Variants in TAFA5 observed in about 807,000 individuals in gnomAD.
The protein encoded by TAFA5 is TAFA chemokine like family member 5.
Under a neutral mutation model 15.3 loss-of-function variants are expected in TAFA5, and 6 were observed. The observed-to-expected ratio is 0.39, with a 90% CI of 0.21 to 0.77. The LOEUF (loss-of-function observed/expected upper bound fraction) is 0.77. Ranked by LOEUF, TAFA5 falls within the 30% of genes least tolerant of loss-of-function variation. The pLI is 0.41. For synonymous variants in TAFA5, 103 were observed against 80.7 expected, an observed-to-expected ratio of 1.28 and a Z score of -1.48; for missense variants, 161 against 193.1, an observed-to-expected ratio of 0.83 and a Z score of 0.98.
At chr22:48,748,180 G>A (rs933092600) in intron 3 of TAFA5, among the ~76,000 whole-genome samples, 2 of 152,234 alleles carry the variant, frequency 1.3e-5, no homozygotes, top group African/African-American at 4.8e-5. Flanking sequence ...CAGGCAGCTA[G>A]GGACCACACC....
In TAFA5 at chr22:48,544,195, A is replaced by G. The variant is rs150083881; in HGVS notation, c.112+54491A>G. ...CTTCCCTTCAGGTCCCATGGTTTACATACCATCTCCATGACCCTAACTTCA... is the reference window on the plus strand; with the variant it reads ...CTTCCCTTCAGGTCCCATGGTTTACGTACCATCTCCATGACCCTAACTTCA... On this transcript the variant is annotated intron_variant, in intron 1 of 3. Coordinates refer to ENST00000402357, the MANE Select transcript of TAFA5 (RefSeq NM_001082967.3). 389 of 174,644 alleles carry G rather than the reference A, an allele frequency of 2.2e-3. 1 individual carries two copies. The highest frequency in any genetic ancestry group is 8.6e-3 in the African/African-American group (369 of 42,742). 10.8% of individuals were successfully genotyped at this position (174,644 alleles called of 1,614,324 possible).
intron 3 of TAFA5, among the ~76,000 whole-genome samples, chr22:48,730,245 A>G (rs929729339): frequency 6.6e-6 from 1 of 152,128 alleles, no homozygotes; most frequent in African/African-American, 2.4e-5. Context: ...TTAGCTGGGC[A>G]TGGTGGCACG....
In TAFA5 at chr22:48,534,903, G is replaced by A. The variant is rs564935911; in HGVS notation, c.112+45199G>A. Among the ~76,000 whole-genome samples, 5 of 152,294 alleles carry A rather than the reference G, an allele frequency of 3.3e-5. No individual in the cohort carries two copies. The South Asian group carries it at 6.2e-4, about 19-fold the overall frequency. ...GTCGGTGCCCATTGTTTGTCTTGGG[G>A]GTCCTGGAGGCTGAGCTGCAGCCTC... On this transcript the variant is annotated intron_variant, in intron 1 of 3. Transcript: ENST00000402357.
chr22:48,704,668 T>A (rs1328033797), intron 2 of TAFA5, among the ~76,000 whole-genome samples: 1 of 151,824 alleles, frequency 6.6e-6, no homozygotes, highest in Non-Finnish European at 1.5e-5. Context: ...GGAGCACAGT[T>A]GCTTTTTCTC....
At chr22:48,592,202 C>T (rs1253463250) in intron 1 of TAFA5, among the ~76,000 whole-genome samples, 1 of 152,182 alleles carries the variant, frequency 6.6e-6, no homozygotes, top group African/African-American at 2.4e-5. Context: ...GTGCCCAGGG[C>T]ACTGTGCCAG....
At chr22:48,703,925 GCA>G (rs1928996483) in intron 2 of TAFA5, among the ~76,000 whole-genome samples, 1 of 152,244 alleles carries the variant, frequency 6.6e-6, no homozygotes, top group African/African-American at 2.4e-5. Flanking sequence ...TCTCCCTGTT[GCA>G]GTTGAAGGGC....
chr22:48,660,741 G>A (rs2147213817), intron 2 of TAFA5, among the ~76,000 whole-genome samples: 1 of 152,322 alleles, frequency 6.6e-6, no homozygotes, highest in South Asian at 2.1e-4. Flanking sequence ...CAACGACACA[G>A]CGCGTGGCCC....
intron 1 of TAFA5, among the ~76,000 whole-genome samples, chr22:48,501,892 G>A (rs6007872): frequency 0.2 from 31,075 of 152,168 alleles, 4,447 homozygotes; most frequent in African/African-American, 0.41. Flanking sequence ...TTCTGAAACA[G>A]CAGGCAGAAT....
In TAFA5 at chr22:48,662,379, T is replaced by C. The variant is rs889789624; in HGVS notation, c.262+15633T>C. 2.6e-5 allele frequency among the ~76,000 whole-genome samples: 4 copies of C among 152,270 alleles called. No individual in the cohort carries two copies. The South Asian group carries it at 6.2e-4, about 24-fold the overall frequency. On this transcript the variant is annotated intron_variant, in intron 2 of 3. Transcript: ENST00000402357. ...TCTGATGGCCTTCTACAAAAATCTC[T>C]CTGCTGCTCTCTGGACCATAAGTTC... is the stretch of plus-strand genomic sequence containing the variant.
chr22:48,527,311 T>A (rs133486), intron 1 of TAFA5, among the ~76,000 whole-genome samples: 2 of 152,278 alleles, frequency 1.3e-5, no homozygotes, highest in South Asian at 2.1e-4. Flanking sequence ...CTCTGAGATC[T>A]GCACTCAACC....
At chr22:48,587,780 C>G (rs1319300730) in intron 1 of TAFA5, among the ~76,000 whole-genome samples, 2 of 152,264 alleles carry the variant, frequency 1.3e-5, no homozygotes, top group East Asian at 3.9e-4. Flanking sequence ...GCCTTCTGCC[C>G]TTGCCTTTTC....
In TAFA5 at chr22:48,646,578, C is replaced by A. The variant is rs894162075; in HGVS notation, c.113-19C>A. On this transcript the variant is annotated intron_variant, in intron 1 of 3. Transcript: ENST00000402357. ...TCTGTAACGTGTGGCCGCTCAGTCGCTTCTGCTCCTCTCTGCAGGTCAGCT... is the reference window on the plus strand; with the variant it reads ...TCTGTAACGTGTGGCCGCTCAGTCGATTCTGCTCCTCTCTGCAGGTCAGCT... 6.2e-7 allele frequency: 1 copy of A among 1,611,634 alleles called. No homozygotes were observed. The highest frequency in any genetic ancestry group is 1.3e-5 in the African/African-American group (1 of 75,040).
intron 2 of TAFA5, among the ~76,000 whole-genome samples, chr22:48,656,594 A>G (rs1419921504): frequency 2.0e-5 from 3 of 152,156 alleles, no homozygotes; most frequent in South Asian, 4.1e-4. Context: ...CACTAAAAAA[A>G]GAAGAGTAAA....
At chr22:48,637,826 C>T (rs990965504) in intron 1 of TAFA5, among the ~76,000 whole-genome samples, 5 of 152,038 alleles carry the variant, frequency 3.3e-5, no homozygotes, top group Non-Finnish European at 1.5e-5. Context: ...CGAGCCATTT[C>T]CCACACCCGC....
intron 1 of TAFA5, among the ~76,000 whole-genome samples, chr22:48,495,920 G>A (rs2147092949): frequency 6.6e-6 from 1 of 152,356 alleles, no homozygotes; most frequent in South Asian, 2.1e-4. Flanking sequence ...CCTGAGAGCA[G>A]CCTCCTGCCT....
chr22:48,639,196 G>A (rs929696756), intron 1 of TAFA5, among the ~76,000 whole-genome samples: 4 of 151,922 alleles, frequency 2.6e-5, no homozygotes, highest in Admixed American at 6.5e-5. Context: ...GCCCCACGGC[G>A]CCTCCTTTTC....
chr22:48,701,897 G>C (rs769799044), intron 2 of TAFA5, among the ~76,000 whole-genome samples: 1 of 152,250 alleles, frequency 6.6e-6, no homozygotes, highest in African/African-American at 2.4e-5. Flanking sequence ...CCACTGACGA[G>C]GGTCTAGGTG....
intron 1 of TAFA5, among the ~76,000 whole-genome samples, chr22:48,511,549 A>C (rs570867703): frequency 2.4e-4 from 36 of 152,316 alleles, no homozygotes; most frequent in African/African-American, 8.4e-4. Context: ...TTTCCATTGC[A>C]CAAGAGGCCC....
intron 1 of TAFA5, among the ~76,000 whole-genome samples, chr22:48,562,373 C>G (rs536156713): frequency 1.6e-4 from 25 of 152,290 alleles, no homozygotes; most frequent in Non-Finnish European, 2.2e-4. Context: ...CTCCTGACCT[C>G]GCGATCTGCC....
Sources: allele counts gnomAD v4.1 joint callset (sites outside exome capture counted in the v4.1 genomes callset), GRCh38; gene constraint gnomAD v4.1.1; transcripts MANE v1.5; gene names NCBI Gene and HGNC (gene_info 2026-07-23, HGNC 2026-07-21).